RTN4: variants seen among roughly 807,000 people sequenced by gnomAD.
The protein encoded by RTN4 is reticulon 4, also known as reticulon-4.
Under a neutral mutation model 90.4 loss-of-function variants are expected in RTN4, and 32 were observed. The observed-to-expected ratio is 0.35, with a 90% CI of 0.27 to 0.48. RTN4 has a LOEUF of 0.48. RTN4 is among the 20% of genes least tolerant of loss of function. RTN4 has a pLI of 0.99. For missense variants in RTN4, 1,706 were observed against 1,430.2 expected (o/e 1.19, Z -3.11); for synonymous variants, 629 against 552.5 (o/e 1.14, Z -1.94).
chr2:55,029,728 G>A (rs1198044022), intron 1 of RTN4, among the ~76,000 whole-genome samples: 2 of 152,154 alleles, frequency 1.3e-5, no homozygotes, highest in African/African-American at 2.4e-5. Flanking sequence ...TGAGGGTGAT[G>A]ACGGGAAATT....
intron 1 of RTN4, among the ~76,000 whole-genome samples, chr2:55,111,353 G>A (rs1668035400): frequency 6.6e-6 from 1 of 152,130 alleles, no homozygotes; most frequent in South Asian, 2.1e-4. Flanking sequence ...CCAAATAGAT[G>A]GTGGTATCAA....
At chr2:55,102,900 C>T (rs1667877953) in intron 1 of RTN4, among the ~76,000 whole-genome samples, 1 of 151,928 alleles carries the variant, frequency 6.6e-6, no homozygotes, top group Admixed American at 6.6e-5. Flanking sequence ...GGGCGGATCA[C>T]CTGAGGTCGG....
chr2:55,025,902 C>T lies in RTN4; in HGVS notation c.2197G>A (p.Glu733Lys), dbSNP rs1351623116. ...KVEQPVPDHS[E>K]LVEDSSPDSE... is the part of the protein sequence containing the mutation. ...TCAGGTGAGGAATCTTCAACTAGCTCAGAATGATCAGGCACTGGCTGTTCA... is the reference window on the plus strand; with the variant it reads ...TCAGGTGAGGAATCTTCAACTAGCTTAGAATGATCAGGCACTGGCTGTTCA... The change falls in exon 3 of 9, where the codon GAG becomes AAG. Residue 733 changes from glutamate (E) to lysine (K), a missense_variant. Coordinates refer to ENST00000337526, the MANE Select transcript of RTN4 (RefSeq NM_020532.5). The T allele has an allele frequency of 2.5e-6, 4 of 1,613,614 alleles. No homozygotes were observed. In the African/African-American group the frequency reaches 5.3e-5, roughly 22 times the overall value.
intron 2 of RTN4, 82 bp from the exon 3 acceptor site, chr2:55,027,567 G>C: frequency 7.1e-7 from 1 of 1,407,402 alleles, no homozygotes; most frequent in Non-Finnish European, 9.6e-7. Flanking sequence ...ATCCAAAATA[G>C]TGTTAGTAAA....
chr2:55,004,710 A>C (rs1371056050), intron 3 of RTN4, among the ~76,000 whole-genome samples: 7 of 152,158 alleles, frequency 4.6e-5, no homozygotes, highest in Non-Finnish European at 1.0e-4. Context: ...AAGCTGCACC[A>C]AGTCAATCAG....
chr2:55,067,285 A>G (rs1668410629), intron 2 of RTN4, among the ~76,000 whole-genome samples: 1 of 152,216 alleles, frequency 6.6e-6, no homozygotes, highest in Non-Finnish European at 1.5e-5. Flanking sequence ...TAAATTGTTG[A>G]TGCATGTAAA....
At chr2:54,981,751 G>C (rs1283629685) in intron 5 of RTN4, among the ~76,000 whole-genome samples, 1 of 151,884 alleles carries the variant, frequency 6.6e-6, no homozygotes. Context: ...TAGTTGAAGT[G>C]TTTCAGAATA....
chr2:55,025,356 A>C lies in RTN4; in HGVS notation c.2743T>G (p.Leu915Val). 6.2e-7 allele frequency: 1 copy of C among 1,613,982 alleles called. No homozygotes were observed. The highest frequency in any genetic ancestry group is 8.5e-7 in the Non-Finnish European group (1 of 1,179,898). ...DGAGSLPCTELPHDLSLKNIQ... is the reference protein window; with the variant it reads ...DGAGSLPCTEVPHDLSLKNIQ... ...TTCTTCAAAGAAAGGTCATGGGGCA[A>C]TTCTGTGCAAGGCAATGACCCAGCT... Residue 915 changes from leucine to valine, a missense_variant, in exon 3 of 9, where the codon TTG becomes GTG. Leu to Val is a conservative substitution (Grantham distance 32, BLOSUM62 1). Coordinates refer to ENST00000337526, the MANE Select transcript of RTN4 (RefSeq NM_020532.5).
In RTN4 at chr2:55,026,327, T is replaced by C; in HGVS notation, c.1772A>G (p.Tyr591Cys). Reference sequence around the variant, plus strand: ...TGATGGGCAAAGCTGTGCTGCAGGATAGAGTGACTCTTGCATAACTTCTGA... The same window carrying C: ...TGATGGGCAAAGCTGTGCTGCAGGACAGAGTGACTCTTGCATAACTTCTGA... Reference protein sequence around the residue: ...QTSEVMQESLYPAAQLCPSFE... With the variant: ...QTSEVMQESLCPAAQLCPSFE... Residue 591 changes from tyrosine (Y) to cysteine (C), a missense_variant, in exon 3 of 9, where the codon TAT becomes TGT. Physicochemically the swap from Tyr to Cys is radical, Grantham distance 194. Coordinates refer to ENST00000337526, the MANE Select transcript of RTN4 (RefSeq NM_020532.5). 6.2e-7 allele frequency: 1 copy of C among 1,613,980 alleles called. No individual in the cohort carries two copies. The highest frequency in any genetic ancestry group is 8.5e-7 in the Non-Finnish European group (1 of 1,179,896).
rs1213514966 is a variant in RTN4, at chr2:55,042,404, GGACT to G, written c.556+7337_556+7340del. ...ATCAACCTAAATAACCATCAATAAG[GGACT>G]GATTAAATAAAATATGGTACATCCC... On this transcript the variant is annotated intron_variant, in intron 1 of 8. Coordinates refer to ENST00000337526, the MANE Select transcript of RTN4 (RefSeq NM_020532.5). Among the ~76,000 whole-genome samples, 4 of 152,022 alleles carry G rather than the reference GGACT, an allele frequency of 2.6e-5. No homozygotes were observed. The South Asian group carries it at 8.3e-4, about 32-fold the overall frequency.
the RTN4 span, among the ~76,000 whole-genome samples, chr2:55,134,222 GA>G: frequency 2.7e-5 from 4 of 149,984 alleles, no homozygotes; most frequent in East Asian, 8.2e-4. Context: ...CGTGGGTTTT[GA>G]TTGATTTTCA....
chr2:55,114,106 T>C (rs879884637), upstream of RTN4, among the ~76,000 whole-genome samples: 1 of 152,200 alleles, frequency 6.6e-6, no homozygotes, highest in Admixed American at 6.5e-5. Flanking sequence ...TATCGGAAAA[T>C]ATAGCTAGAT....
chr2:55,031,170 C>A (rs1402683585), intron 1 of RTN4, among the ~76,000 whole-genome samples: 10 of 152,194 alleles, frequency 6.6e-5, no homozygotes, highest in African/African-American at 2.4e-4. Flanking sequence ...CAGACTAATT[C>A]TTCCAATATA....
At chr2:55,078,900 A>G (rs889266073) in intron 2 of RTN4, among the ~76,000 whole-genome samples, 3 of 152,152 alleles carry the variant, frequency 2.0e-5, no homozygotes, top group Non-Finnish European at 4.4e-5. Flanking sequence ...AAATACTGGG[A>G]AAAAAAGGTT....
intron 3 of RTN4, among the ~76,000 whole-genome samples, chr2:54,998,668 C>T (rs946719696): frequency 1.3e-5 from 2 of 152,138 alleles, no homozygotes; most frequent in African/African-American, 4.8e-5. Context: ...CCATTACCTA[C>T]ATCATTAATG....
intron 1 of RTN4, among the ~76,000 whole-genome samples, chr2:55,101,229 T>C (rs1667847936): frequency 6.6e-6 from 1 of 152,104 alleles, no homozygotes; most frequent in Non-Finnish European, 1.5e-5. Flanking sequence ...GAGATTATCA[T>C]TGTCTTTTCC....
At chr2:55,116,090 T>A (rs55700934), upstream of RTN4, among the ~76,000 whole-genome samples, 3,385 of 112,642 alleles carry the variant, frequency 0.03, 143 homozygotes, top group African/African-American at 0.13. Context: ...TGGGGACTAG[T>A]CTTTTTTTTT....
At chr2:55,128,968 C>T in the RTN4 span, among the ~76,000 whole-genome samples, 1 of 151,628 alleles carries the variant, frequency 6.6e-6, no homozygotes, top group East Asian at 1.9e-4. Flanking sequence ...ATTAGCCAGG[C>T]GTGATGGCAG....
At chr2:55,032,510 G>C (rs529118669) in intron 1 of RTN4, among the ~76,000 whole-genome samples, 1 of 152,036 alleles carries the variant, frequency 6.6e-6, no homozygotes, top group African/African-American at 2.4e-5. Flanking sequence ...GGAGATGCTA[G>C]AATTGTAAAT....
Sources: gnomAD v4.1 joint callset for allele counts (sites outside exome capture counted in the v4.1 genomes callset) on GRCh38, gnomAD v4.1.1 for gene constraint, MANE v1.5 for transcripts, NCBI Gene and HGNC (gene_info 2026-07-23, HGNC 2026-07-21) for gene names.